Variants in MAPKBP1 observed in about 807,000 individuals in gnomAD.
MAPKBP1 encodes mitogen-activated protein kinase-binding protein 1.
In MAPKBP1, 71 loss-of-function variants were observed where a neutral mutation model predicts 170.5. The ratio of observed to expected loss-of-function variants is 0.42; its 90% CI spans 0.34 to 0.51. MAPKBP1 has a LOEUF of 0.51. MAPKBP1 is among the 20% of genes least tolerant of loss of function. The probability of loss-of-function intolerance (pLI) is 0.06; values close to 1 mark genes in which losing one functional copy is unlikely to be tolerated. For synonymous variants in MAPKBP1, 719 were observed against 757.9 expected (o/e 0.95, Z 0.84); for missense variants, 1,598 against 1,933.0 (o/e 0.83, Z 3.25).
chr15:41,823,401 G>A, intron 28 of MAPKBP1, 46 bp from the exon 29 acceptor site: 1 of 1,571,460 alleles, frequency 6.4e-7, no homozygotes, highest in Non-Finnish European at 8.6e-7. Flanking sequence ...CACCTGGGAT[G>A]CCTTCCTCAA....
chr15:41,821,854 T>G, intron 24 of MAPKBP1, 104 bp downstream of exon 24: 1 of 1,572,018 alleles, frequency 6.4e-7, no homozygotes, highest in South Asian at 1.2e-5. Flanking sequence ...AGGGCTTTCC[T>G]TCCAGCTCAC....
In MAPKBP1 at chr15:41,818,118, CG is replaced by C. The variant is rs1468179628; in HGVS notation, c.1980+38del. On this transcript the variant is annotated intron_variant, in intron 17 of 30. Coordinates refer to ENST00000457542, the MANE Select transcript of MAPKBP1 (RefSeq NM_014994.3). The surrounding 1 kb of genome is among the most constrained non-coding windows in gnomAD (Gnocchi z 5.2). The stretch of plus-strand genomic sequence containing the variant: ...CCAGAGGGGGTACTGGACAGGGGCT[CG>C]GGGACAGAGTGGTGCTGGGTGGGAG... 2 of 1,611,810 alleles carry C rather than the reference CG, an allele frequency of 1.2e-6. No individual in the cohort carries two copies. Among genetic ancestry groups the C allele is most frequent in the Non-Finnish European group, 1.7e-6 (2 of 1,178,110 alleles).
intron 2 of MAPKBP1, among the ~76,000 whole-genome samples, chr15:41,781,025 C>T (rs1297047369): frequency 6.6e-6 from 1 of 151,982 alleles, no homozygotes; most frequent in Non-Finnish European, 1.5e-5. Context: ...GTAAATTCCC[C>T]CCTCTCATTT....
chr15:41,822,963 C>G lies in MAPKBP1; in HGVS notation c.3339C>G (p.Ser1113Arg). 4 of 1,612,902 alleles carry G rather than the reference C, an allele frequency of 2.5e-6. No homozygotes were observed. The highest frequency in any genetic ancestry group is 3.4e-6 in the Non-Finnish European group (4 of 1,179,202). The change falls in exon 28 of 31, where the codon AGC becomes AGG. Residue 1113 changes from serine (S) to arginine (R), a missense_variant. By Grantham distance (110) the Ser-to-Arg change is moderately radical. This residue lies in a region of MAPKBP1 where 942 missense variants were observed against 953.2 expected (regional missense o/e 0.99). Transcript: ENST00000457542. Reference protein sequence around the residue: ...PLREPSPSSSSLALMSRPAQV... With the variant: ...PLREPSPSSSRLALMSRPAQV... ...GGGAACCATCCCCATCCTCCTCAAG[C>G]CTGGCACTGATGTCGAGACCAGCCC...
intron 2 of MAPKBP1, among the ~76,000 whole-genome samples, chr15:41,786,777 A>AAATATATATATATATATATATAT: frequency 4.0e-4 from 13 of 32,396 alleles, no homozygotes; most frequent in Admixed American, 1.2e-3. Context: ...AAAAAAAAAA[A>AAATATATATATATATATATATAT]ATATATATAT....
rs535001718 is a variant in MAPKBP1, at chr15:41,825,603, A to T, written c.*167A>T. Reference sequence around the variant, plus strand: ...TCCTCGTGGGGGGCCTGTATTTATTAATTTATTTCCCTGACTGTTGCCTCA... The same window carrying T: ...TCCTCGTGGGGGGCCTGTATTTATTTATTTATTTCCCTGACTGTTGCCTCA... On this transcript the variant is annotated 3_prime_UTR_variant, in exon 31 of 31. Transcript: ENST00000457542. 8 of 560,422 alleles carry T rather than the reference A, an allele frequency of 1.4e-5. No homozygotes were observed. The highest frequency in any genetic ancestry group is 7.3e-5 in the South Asian group (3 of 41,036). The allele number at this position is 560,422 out of a possible 1,614,324, so 34.7% of individuals were successfully genotyped here.
At position 41,818,946 on chromosome 15, in the gene MAPKBP1, T is replaced by G; in HGVS notation, c.2280T>G (p.Ser760=). Residue 760 remains serine (S), a synonymous_variant, in exon 20 of 31, where the codon TCT becomes TCG. Coordinates refer to ENST00000457542, the MANE Select transcript of MAPKBP1 (RefSeq NM_014994.3). This position sits in a 1 kb window ranked among gnomAD's most constrained non-coding sequence, Gnocchi z 5.2. ...GACCATCCTCTCCCCAAAGGGCTTC[T>G]GGACCCAACCGGTGAGAACAGAATG... is the stretch of plus-strand genomic sequence containing the variant. The part of the protein sequence containing the change: ...QQGPSSPQRA[S]GPNRHQAPSM... The G allele has an allele frequency of 6.2e-7, 1 of 1,614,170 alleles. No homozygotes were observed.
chr15:41,786,776 AAATATATATATAT>A, intron 2 of MAPKBP1, among the ~76,000 whole-genome samples: 1 of 103,074 alleles, frequency 9.7e-6, no homozygotes, highest in East Asian at 2.4e-4. Context: ...AAAAAAAAAA[AAATATATATATAT>A]ATATATATAT....
chr15:41,820,822 C>T lies in MAPKBP1; in HGVS notation c.2482-10C>T. 1.9e-6 allele frequency: 3 copies of T among 1,609,696 alleles called. No homozygotes were observed. Among genetic ancestry groups the T allele is most frequent in the Non-Finnish European group, 2.5e-6 (3 of 1,176,474 alleles). On this transcript the variant is annotated splice_polypyrimidine_tract_variant and intron_variant, in intron 22 of 30. Coordinates refer to ENST00000457542, the MANE Select transcript of MAPKBP1 (RefSeq NM_014994.3). ...TTGTTACTCCTCCCCCACCCCCTAC[C>T]TCCCACCAGGCACAGGAGTCCGTGG...
At chr15:41,789,410 C>G (rs902013821) in intron 2 of MAPKBP1, among the ~76,000 whole-genome samples, 33 of 152,172 alleles carry the variant, frequency 2.2e-4, no homozygotes, top group African/African-American at 8.0e-4. Context: ...AGGGCTGTAC[C>G]AGGCACTGTA....
chr15:41,821,816 C>T (rs985687115), intron 24 of MAPKBP1, 66 bp downstream of exon 24: 49 of 1,563,908 alleles, frequency 3.1e-5, no homozygotes, highest in Non-Finnish European at 3.9e-5. Context: ...GTTCTTTAGT[C>T]GAGGGAGGGT....
At chr15:41,793,953 C>T (rs985051308) in intron 2 of MAPKBP1, among the ~76,000 whole-genome samples, 2 of 152,098 alleles carry the variant, frequency 1.3e-5, no homozygotes, top group African/African-American at 4.8e-5. Context: ...GATATTTGGC[C>T]GGGCGCGGTG....
At chr15:41,789,455 G>T (rs148666536) in intron 2 of MAPKBP1, among the ~76,000 whole-genome samples, 1 of 152,140 alleles carries the variant, frequency 6.6e-6, no homozygotes, top group Non-Finnish European at 1.5e-5. Flanking sequence ...ACTTGGGCAC[G>T]TGCTGATGAC....
In MAPKBP1 at chr15:41,813,673, G is replaced by A; in HGVS notation, c.872G>A (p.Cys291Tyr). The A allele has an allele frequency of 1.2e-6, 2 of 1,614,130 alleles. No homozygotes were observed. Among genetic ancestry groups the A allele is most frequent in the Non-Finnish European group, 1.7e-6 (2 of 1,180,016 alleles). ...AGCCAAGACTACATCTTCTGTGGCT[G>A]TGCTGATGGCACCGTGCGCCTTTTC... is the stretch of plus-strand genomic sequence containing the variant. Reference protein sequence around the residue: ...SVSQDYIFCGCADGTVRLFNP... With the variant: ...SVSQDYIFCGYADGTVRLFNP... The change falls in exon 9 of 31, where the codon TGT becomes TAT. Residue 291 changes from cysteine (C) to tyrosine (Y), a missense_variant. Coordinates refer to ENST00000457542, the MANE Select transcript of MAPKBP1 (RefSeq NM_014994.3).
At chr15:41,804,475 T>C (rs1023016624) in intron 3 of MAPKBP1, among the ~76,000 whole-genome samples, 6 of 152,228 alleles carry the variant, frequency 3.9e-5, no homozygotes, top group South Asian at 2.1e-4. Context: ...GAAAGCCAGG[T>C]TCCCTCTTGT....
intron 2 of MAPKBP1, 42 bp from the exon 3 acceptor site, chr15:41,799,781 A>G: frequency 6.5e-7 from 1 of 1,547,662 alleles, no homozygotes; most frequent in Non-Finnish European, 8.9e-7. Context: ...CTTCCCAAAC[A>G]CACTCTGTCT....
chr15:41,816,179 G>A (rs1237925677), intron 12 of MAPKBP1: 2 of 329,656 alleles, frequency 6.1e-6, no homozygotes, highest in African/African-American at 4.2e-5. Context: ...GAAAAGTAAG[G>A]AAAGACCAGA....
Position 41,820,976 on chromosome 15 carries a change from C to T in MAPKBP1, c.2626C>T (p.Leu876=), listed in dbSNP as rs962309227. 3.1e-6 allele frequency: 5 copies of T among 1,614,208 alleles called. No individual in the cohort carries two copies. The Admixed American group carries it at 5.0e-5, about 16-fold the overall frequency. ...LRQLETLAPS[L]QDPSQDSLAI... ...GCAGCTGGAAACACTGGCCCCAAGC[C>T]TGCAGGACCCTAGCCAGGACTCGCT... The change falls in exon 23 of 31, where the codon CTG becomes TTG. Residue 876 remains leucine (L), a synonymous_variant. Coordinates refer to ENST00000457542, the MANE Select transcript of MAPKBP1 (RefSeq NM_014994.3).
intron 26 of MAPKBP1, 49 bp downstream of exon 26, chr15:41,822,471 C>G (rs2065015638): frequency 2.5e-6 from 4 of 1,605,538 alleles, no homozygotes; most frequent in East Asian, 4.5e-5. Context: ...CCCTTCTCCC[C>G]TCCTTGCCTA....
Sources: gnomAD v4.1 joint callset for allele counts (sites outside exome capture counted in the v4.1 genomes callset) on GRCh38, gnomAD v4.1.1 for gene constraint, gnomAD v4.1.1 regional missense constraint, Gnocchi (gnomAD v3.1) non-coding constraint, MANE v1.5 for transcripts, NCBI Gene and HGNC (gene_info 2026-07-23, HGNC 2026-07-21) for gene names.